The following ZNF326 variants were observed in gnomAD, a reference collection of about 807,000 sequenced individuals.
The protein encoded by ZNF326 is DBIRD complex subunit ZNF326.
In ZNF326, 30 loss-of-function variants were observed where a neutral mutation model predicts 63.1. The ratio of observed to expected loss-of-function variants is 0.48; its 90% CI spans 0.36 to 0.64. The LOEUF (loss-of-function observed/expected upper bound fraction) is 0.64. ZNF326 is among the 30% of genes least tolerant of loss of function. ZNF326 has a pLI of 0.00. For missense variants in ZNF326, 609 were observed against 720.3 expected, an observed-to-expected ratio of 0.85 and a Z score of 1.77; for synonymous variants, 194 against 228.2, an observed-to-expected ratio of 0.85 and a Z score of 1.35.
At chr1:90,017,801 A>G (rs1649572496) in intron 8 of ZNF326, among the ~76,000 whole-genome samples, 1 of 152,292 alleles carries the variant, frequency 6.6e-6, no homozygotes, top group East Asian at 1.9e-4. Flanking sequence ...ATTCATTTTT[A>G]TCATGAAAGA....
At position 90,027,896 on chromosome 1, in the gene ZNF326, T is replaced by G; in HGVS notation, c.*195T>G. The G allele has an allele frequency of 1.7e-6, 1 of 579,242 alleles. No individual in the cohort carries two copies. Among genetic ancestry groups the G allele is most frequent in the Non-Finnish European group, 3.0e-6 (1 of 334,652 alleles). The allele number at this position is 579,242 out of a possible 1,614,324, so 35.9% of individuals were successfully genotyped here. On this transcript the variant is annotated 3_prime_UTR_variant, in exon 12 of 12. Transcript: ENST00000340281. ...AGGCAAAACTATTTTAGTTTAGTTT[T>G]TATAGCTACCAGACTTAGATCCGAT... is the stretch of plus-strand genomic sequence containing the variant.
At chr1:90,020,979 T>C (rs1027983564) in intron 10 of ZNF326, 57 bp downstream of exon 10, 1 of 1,579,198 alleles carries the variant, frequency 6.3e-7, no homozygotes, top group Non-Finnish European at 8.6e-7. Flanking sequence ...TCTTTTATTG[T>C]TCTTTGGCCA....
chr1:89,996,780 A>G (rs988365387), intron 1 of ZNF326, among the ~76,000 whole-genome samples: 1 of 152,150 alleles, frequency 6.6e-6, no homozygotes, highest in Non-Finnish European at 1.5e-5. Context: ...ACAAAAAACT[A>G]TGAATATTTG....
At position 90,027,613 on chromosome 1, in the gene ZNF326, GGGAAGTAGA is replaced by G. The variant is rs374771075; in HGVS notation, c.1675_1683del (p.Val559_Glu561del). 33 of 1,613,320 alleles carry G rather than the reference GGGAAGTAGA, an allele frequency of 2.0e-5. No homozygotes were observed. The highest frequency in any genetic ancestry group is 3.3e-4 in the Middle Eastern group (2 of 6,054). On this transcript the variant is annotated inframe_deletion, in exon 12 of 12. Coordinates refer to ENST00000340281, the MANE Select transcript of ZNF326 (RefSeq NM_182976.4). Reference sequence around the variant, plus strand: ...GTAGTGGGAGAAGTAGAGGGAGTGGGGGAAGTAGAGGAAGTAGAGGAATTAGAGGAAGAG... The same window carrying G: ...GTAGTGGGAGAAGTAGAGGGAGTGGGGGAAGTAGAGGAATTAGAGGAAGAG...
chr1:90,009,479 G>A (rs886764258), intron 5 of ZNF326, among the ~76,000 whole-genome samples: 1 of 152,076 alleles, frequency 6.6e-6, no homozygotes, highest in Admixed American at 6.6e-5. Flanking sequence ...GTTTCTCTAG[G>A]TAAGAATGTG....
At chr1:90,004,819 T>TTTA (rs1553135566) in intron 2 of ZNF326, among the ~76,000 whole-genome samples, 184 bp from the exon 3 acceptor site, 2 of 148,818 alleles carry the variant, frequency 1.3e-5, no homozygotes, top group East Asian at 2.0e-4. Flanking sequence ...TTTTTTTTTT[T>TTTA]AGCAAATTTG....
intron 9 of ZNF326, among the ~76,000 whole-genome samples, 187 bp downstream of exon 9, chr1:90,018,971 C>T (rs1557526991): frequency 6.6e-6 from 1 of 152,054 alleles, no homozygotes. Flanking sequence ...TCATTACCTG[C>T]CATTACTTTC....
Position 90,007,323 on chromosome 1 carries a change from C to T in ZNF326, c.210-22C>T. 15 of 1,549,048 alleles carry T rather than the reference C, an allele frequency of 9.7e-6. No homozygotes were observed. The highest frequency in any genetic ancestry group is 4.2e-5 in the Admixed American group (2 of 47,950). On this transcript the variant is annotated intron_variant, in intron 4 of 11. Coordinates refer to ENST00000340281, the MANE Select transcript of ZNF326 (RefSeq NM_182976.4). This position sits in a 1 kb window ranked among gnomAD's most constrained non-coding sequence, Gnocchi z 4.9. ...TTAGTAAGCTTACTTTTGTTTTTTC[C>T]CTCACTGTGCAACTTTTCCAGGTTT...
At position 90,031,008 on chromosome 1, in the gene ZNF326, A is replaced by G. The variant is rs1011307392; in HGVS notation, c.*3307A>G. 1 of 152,320 alleles carries G rather than the reference A, an allele frequency of 6.6e-6. No individual in the cohort carries two copies. The highest frequency in any genetic ancestry group is 1.5e-5 in the Non-Finnish European group (1 of 68,024). 9.4% of individuals were successfully genotyped at this position (152,320 alleles called of 1,614,324 possible). On this transcript the variant is annotated 3_prime_UTR_variant, in exon 12 of 12. Transcript: ENST00000340281. ...AAATATCTCACATGATTTTGAAGGTAGTGGTCAGTGATTGCACTTTGAGGA... is the reference window on the plus strand; with the variant it reads ...AAATATCTCACATGATTTTGAAGGTGGTGGTCAGTGATTGCACTTTGAGGA...
intron 4 of ZNF326, 79 bp downstream of exon 4, chr1:90,005,323 A>G (rs1039476030): frequency 2.0e-6 from 3 of 1,528,264 alleles, no homozygotes; most frequent in Admixed American, 4.5e-5. Context: ...CTCTTTAGGC[A>G]TGTTATGATA....
At chr1:90,005,760 A>G in intron 4 of ZNF326, 1 of 982,936 alleles carries the variant, frequency 1.0e-6, no homozygotes, top group Non-Finnish European at 1.2e-6. Flanking sequence ...GCATATTGCA[A>G]TAATAAAAAT....
intron 7 of ZNF326, among the ~76,000 whole-genome samples, chr1:90,015,155 A>G (rs1223190079): frequency 6.6e-6 from 1 of 152,204 alleles, no homozygotes; most frequent in Non-Finnish European, 1.5e-5. Context: ...GAGCAGTTTT[A>G]CTTTGAGTTA....
chr1:90,021,278 A>G (rs1570318189), intron 10 of ZNF326, among the ~76,000 whole-genome samples: 1 of 152,202 alleles, frequency 6.6e-6, no homozygotes, highest in East Asian at 1.9e-4. Context: ...GGTAATGGTA[A>G]GCATTCAGGA....
At position 90,020,903 on chromosome 1, in the gene ZNF326, A is replaced by G. The variant is rs1399315527; in HGVS notation, c.1286A>G (p.Asp429Gly). The change falls in exon 10 of 12, where the codon GAT (aspartate) becomes GGT (glycine). Residue 429 changes from aspartate (D) to glycine (G), a missense_variant. Physicochemically the swap from Asp to Gly is moderately conservative, Grantham distance 94 (BLOSUM62 -1). Around this residue, in one of 3 missense-constraint regions of ZNF326, gnomAD observed 399 missense variants for 444.3 expected, o/e 0.90. Coordinates refer to ENST00000340281, the MANE Select transcript of ZNF326 (RefSeq NM_182976.4). ...SSVQQHLKSPDHIKGKQAYKE... is the reference protein window; with the variant it reads ...SSVQQHLKSPGHIKGKQAYKE... ...GTTCAGCAGCACTTAAAATCTCCTG[A>G]TCATATCAAAGGGAAGCAGGTAAAA... 1 of 1,612,822 alleles carries G rather than the reference A, an allele frequency of 6.2e-7. No individual in the cohort carries two copies. The highest frequency in any genetic ancestry group is 8.5e-7 in the Non-Finnish European group (1 of 1,179,246).
In ZNF326 at chr1:90,033,124, T is replaced by TTTA. The variant is rs1275125659; in HGVS notation, c.*5426_*5428dup. 2.0e-5 allele frequency: 3 copies of TTTA among 152,152 alleles called. No individual in the cohort carries two copies. The highest frequency in any genetic ancestry group is 4.4e-5 in the Non-Finnish European group (3 of 68,020). 9.4% of individuals were successfully genotyped at this position (152,152 alleles called of 1,614,324 possible). A position where few individuals can be genotyped will look rare whatever the true frequency, so the allele number is the denominator to read the frequency against. Reference sequence around the variant, plus strand: ...AACTCCAGATAATGATACTGAGAAATTTATTGGTTGGAAAACTGCTATCTA... The same window carrying TTTA: ...AACTCCAGATAATGATACTGAGAAATTTATTATTGGTTGGAAAACTGCTATCTA... On this transcript the variant is annotated 3_prime_UTR_variant, in exon 12 of 12. Coordinates refer to ENST00000340281, the MANE Select transcript of ZNF326 (RefSeq NM_182976.4).
At position 90,027,901 on chromosome 1, in the gene ZNF326, G is replaced by A. The variant is rs183785081; in HGVS notation, c.*200G>A. ...AAACTATTTTAGTTTAGTTTTTATA[G>A]CTACCAGACTTAGATCCGATAAATT... is the stretch of plus-strand genomic sequence containing the variant. On this transcript the variant is annotated 3_prime_UTR_variant, in exon 12 of 12. Transcript: ENST00000340281. 6.0e-5 allele frequency: 34 copies of A among 566,212 alleles called. No individual in the cohort carries two copies. The Middle Eastern group carries it at 2.4e-3, about 39-fold the overall frequency. The allele number at this position is 566,212 out of a possible 1,614,324, so 35.1% of individuals were successfully genotyped here.
intron 1 of ZNF326, among the ~76,000 whole-genome samples, chr1:89,996,038 A>T (rs1648353678): frequency 6.6e-6 from 1 of 152,248 alleles, no homozygotes; most frequent in Non-Finnish European, 1.5e-5. Flanking sequence ...TGTTTGACTT[A>T]CGGATTAAAT....
intron 11 of ZNF326, among the ~76,000 whole-genome samples, chr1:90,025,843 A>G (rs1019176927): frequency 2.0e-5 from 3 of 152,086 alleles, no homozygotes; most frequent in Admixed American, 2.0e-4. Flanking sequence ...ACCTTTTTCA[A>G]TTGCTTTCTG....
At chr1:90,018,597 G>GTT (rs1649611651) in intron 8 of ZNF326, 88 bp from the exon 9 acceptor site, 1 of 642,120 alleles carries the variant, frequency 1.6e-6, no homozygotes, top group Non-Finnish European at 2.7e-6. Flanking sequence ...AGCAGATACT[G>GTT]TATCTTCCAT....
Sources: gnomAD v4.1 joint callset for allele counts (sites outside exome capture counted in the v4.1 genomes callset) on GRCh38, gnomAD v4.1.1 for gene constraint, gnomAD v4.1.1 regional missense constraint, Gnocchi (gnomAD v3.1) non-coding constraint, MANE v1.5 for transcripts, NCBI Gene and HGNC (gene_info 2026-07-23, HGNC 2026-07-21) for gene names.